Variants in GPT2 observed in about 807,000 individuals in gnomAD.
The protein encoded by GPT2 is alanine aminotransferase 2.
A neutral mutation model predicts 56.9 loss-of-function variants in GPT2; 30 were observed. The observed-to-expected ratio is 0.53, with a 90% CI of 0.39 to 0.72. The LOEUF (loss-of-function observed/expected upper bound fraction) is 0.72. GPT2 is among the 30% of genes least tolerant of loss of function. The pLI is 0.00. For synonymous variants in GPT2, 271 were observed against 283.1 expected (o/e 0.96, Z 0.43); for missense variants, 542 against 703.4 (o/e 0.77, Z 2.60).
At chr16:46,907,006 G>A in intron 5 of GPT2, 31 bp downstream of exon 5, 1 of 1,613,326 alleles carries the variant, frequency 6.2e-7, no homozygotes, top group Non-Finnish European at 8.5e-7. Context: ...TTGTTATCCG[G>A]TGTTTACCCA....
At position 46,929,532 on chromosome 16, in the gene GPT2, A is replaced by C. The variant is rs1163841929; in HGVS notation, c.*535A>C. On this transcript the variant is annotated 3_prime_UTR_variant, in exon 12 of 12. Coordinates refer to ENST00000340124, the MANE Select transcript of GPT2 (RefSeq NM_133443.4). Reference sequence around the variant, plus strand: ...AGGCAGGCGCCGGGAGCGCAGTAGCACGTGGACTGGGCAGGATGTTGCACT... The same window carrying C: ...AGGCAGGCGCCGGGAGCGCAGTAGCCCGTGGACTGGGCAGGATGTTGCACT... 6.2e-6 allele frequency: 1 copy of C among 160,198 alleles called. No individual in the cohort carries two copies. Among genetic ancestry groups the C allele is most frequent in the African/African-American group, 2.4e-5 (1 of 41,596 alleles). The allele number at this position is 160,198 out of a possible 1,614,324, so 9.9% of individuals were successfully genotyped here.
Position 46,906,963 on chromosome 16 carries a change from T to C in GPT2, c.564T>C (p.Ser188=). 6.2e-7 allele frequency: 1 copy of C among 1,614,206 alleles called. No individual in the cohort carries two copies. Among genetic ancestry groups the C allele is most frequent in the Non-Finnish European group, 8.5e-7 (1 of 1,180,032 alleles). Residue 188 remains serine (S), a synonymous_variant, in exon 5 of 12, where the codon AGT becomes AGC. Coordinates refer to ENST00000340124, the MANE Select transcript of GPT2 (RefSeq NM_133443.4). ...PDNIYLTTGA[S]DGISTILKIL... is the part of the protein sequence containing the mutation. ...ACATCTACCTGACCACGGGAGCTAG[T>C]GACGGCATTTCTGTACGTGTGAGGG...
intron 2 of GPT2, among the ~76,000 whole-genome samples, chr16:46,892,768 C>T (rs563084841): frequency 7.2e-5 from 11 of 152,182 alleles, no homozygotes; most frequent in Admixed American, 5.9e-4. Flanking sequence ...CAGGTTTAAT[C>T]AGTTTTTTTT....
At chr16:46,897,475 G>A (rs968483421) in intron 2 of GPT2, among the ~76,000 whole-genome samples, 173 bp from the exon 3 acceptor site, 2 of 152,188 alleles carry the variant, frequency 1.3e-5, no homozygotes, top group African/African-American at 4.8e-5. Context: ...CTCATGGGGT[G>A]GCTGTGAAGG....
chr16:46,928,339 A>G (rs182730937), intron 11 of GPT2, among the ~76,000 whole-genome samples: 1 of 151,890 alleles, frequency 6.6e-6, no homozygotes, highest in East Asian at 1.9e-4. Flanking sequence ...AAAAAAAAAA[A>G]TATGGCCAGG....
intron 6 of GPT2, among the ~76,000 whole-genome samples, chr16:46,912,720 T>A (rs765402698): frequency 4.1e-4 from 62 of 152,182 alleles, no homozygotes; most frequent in Non-Finnish European, 8.2e-4. Flanking sequence ...GCACATCGCA[T>A]GGCAAGAGCA....
chr16:46,928,842 T>C (rs1463209056), intron 11 of GPT2, 65 bp from the exon 12 acceptor site: 4 of 1,232,506 alleles, frequency 3.2e-6, no homozygotes, highest in Non-Finnish European at 4.8e-6. Flanking sequence ...GCAGTTTAGC[T>C]GCTGGATTCG....
chr16:46,893,898 C>T (rs1463354367), intron 2 of GPT2, among the ~76,000 whole-genome samples: 1 of 152,156 alleles, frequency 6.6e-6, no homozygotes, highest in East Asian at 1.9e-4. Flanking sequence ...GGGCGAGGTT[C>T]CCATGGGTGC....
chr16:46,922,388 G>A lies in GPT2; in HGVS notation c.1184G>A (p.Gly395Glu). ...ATTGTCGTGAACCCCCCGGTGGCAG[G>A]AGAGGAGTCCTTTGAGCAATTCAGC... Reference protein sequence around the residue: ...MDIVVNPPVAGEESFEQFSRE... With the variant: ...MDIVVNPPVAEEESFEQFSRE... Residue 395 changes from glycine to glutamate, a missense_variant, in exon 9 of 12, where the codon GGA (glycine) becomes GAA (glutamate). Gly to Glu is a moderately conservative substitution (Grantham distance 98, BLOSUM62 -2). Coordinates refer to ENST00000340124, the MANE Select transcript of GPT2 (RefSeq NM_133443.4). The A allele has an allele frequency of 6.2e-7, 1 of 1,613,384 alleles. No homozygotes were observed.
chr16:46,909,929 TCTGCACTTTACTTC>T lies in GPT2; in HGVS notation c.820+5_820+18del, dbSNP rs767003743. On this transcript the variant is annotated splice_donor_5th_base_variant and intron_variant, in intron 6 of 11. Coordinates refer to ENST00000340124, the MANE Select transcript of GPT2 (RefSeq NM_133443.4). ...TAATCAACCCTGGGAACCCCACAGG[TCTGCACTTTACTTC>T]CTCACCAGTTTCGTAGAGGGTGGGG... The T allele has an allele frequency of 6.3e-7, 1 of 1,596,072 alleles. No individual in the cohort carries two copies. The highest frequency in any genetic ancestry group is 1.1e-5 in the South Asian group (1 of 89,602).
chr16:46,907,907 G>A (rs1187663986), intron 5 of GPT2, among the ~76,000 whole-genome samples: 1 of 152,234 alleles, frequency 6.6e-6, no homozygotes, highest in Non-Finnish European at 1.5e-5. Context: ...GCAGTCTGGA[G>A]TGCAGTGGAG....
intron 5 of GPT2, 126 bp downstream of exon 5, chr16:46,907,101 C>T (rs1234751313): frequency 2.2e-5 from 27 of 1,249,902 alleles, no homozygotes; most frequent in African/African-American, 5.9e-5. Flanking sequence ...ACCCTCTGGT[C>T]CCCCAGCCCT....
chr16:46,909,562 T>G lies in GPT2; in HGVS notation c.577-122T>G, dbSNP rs984400288. 2.7e-6 allele frequency: 3 copies of G among 1,110,178 alleles called. No individual in the cohort carries two copies. In the African/African-American group the frequency reaches 4.7e-5, roughly 17 times the overall value. 68.8% of individuals were successfully genotyped at this position (1,110,178 alleles called of 1,614,324 possible). A position where few individuals can be genotyped will look rare whatever the true frequency, so the allele number is the denominator to read the frequency against. On this transcript the variant is annotated intron_variant, in intron 5 of 11. Transcript: ENST00000340124. ...ATTTTACAGATGAGGAAACTGAGACTCGGGGAAGTAAAGCGACTTGCACAG... is the reference window on the plus strand; with the variant it reads ...ATTTTACAGATGAGGAAACTGAGACGCGGGGAAGTAAAGCGACTTGCACAG...
chr16:46,897,816 C>A, intron 3 of GPT2, 79 bp downstream of exon 3: 1 of 1,237,322 alleles, frequency 8.1e-7, no homozygotes, highest in Non-Finnish European at 1.2e-6. Flanking sequence ...CCGTCCTCTG[C>A]CCCCTCGATG....
intron 4 of GPT2, among the ~76,000 whole-genome samples, chr16:46,902,431 G>C (rs149718941): frequency 1.1e-4 from 16 of 152,238 alleles, no homozygotes; most frequent in African/African-American, 3.8e-4. Flanking sequence ...CCATTCCAGG[G>C]GGCAGGACAG....
intron 10 of GPT2, among the ~76,000 whole-genome samples, chr16:46,925,046 G>T (rs1269482168): frequency 6.6e-6 from 1 of 152,036 alleles, no homozygotes; most frequent in African/African-American, 2.4e-5. Context: ...ACCGGCTTGA[G>T]CCACTGTGCC....
chr16:46,896,050 T>C (rs1190508643), intron 2 of GPT2, among the ~76,000 whole-genome samples: 4 of 152,254 alleles, frequency 2.6e-5, no homozygotes, highest in Non-Finnish European at 5.9e-5. Flanking sequence ...ACCACCTTGC[T>C]GAGCCCGTTT....
Position 46,909,704 on chromosome 16 carries a change from C to T in GPT2, c.597C>T (p.Val199=). ...TGCAGACGATCCTGAAGATCCTCGT[C>T]TCCGGGGGCGGCAAGTCACGGACAG... ...DGISTILKIL[V]SGGGKSRTGV... The change falls in exon 6 of 12, where the codon GTC becomes GTT. Residue 199 remains valine (V), a synonymous_variant. Coordinates refer to ENST00000340124, the MANE Select transcript of GPT2 (RefSeq NM_133443.4). 6.2e-7 allele frequency: 1 copy of T among 1,613,844 alleles called. No homozygotes were observed. The highest frequency in any genetic ancestry group is 8.5e-7 in the Non-Finnish European group (1 of 1,179,780).
chr16:46,918,389 G>A (rs1206174564), intron 7 of GPT2, among the ~76,000 whole-genome samples: 3 of 152,220 alleles, frequency 2.0e-5, no homozygotes, highest in South Asian at 4.1e-4. Context: ...ACGAGTGTGA[G>A]AGAAATCAAG....
Sources: allele counts gnomAD v4.1 joint callset (sites outside exome capture counted in the v4.1 genomes callset), GRCh38; gene constraint gnomAD v4.1.1; transcripts MANE v1.5; gene names NCBI Gene and HGNC (gene_info 2026-07-23, HGNC 2026-07-21).